Variants in AGPS observed in about 807,000 individuals in gnomAD.
The protein encoded by AGPS is alkyldihydroxyacetonephosphate synthase, peroxisomal.
In AGPS, 26 loss-of-function variants were observed where a neutral mutation model predicts 90.7. That is an observed-to-expected ratio of 0.29 (90% CI 0.21 to 0.40). AGPS has a LOEUF of 0.40. Among genes scored for constraint, AGPS ranks in the 10% least tolerant of loss-of-function variants. The pLI, the probability that AGPS is intolerant of heterozygous loss-of-function variation, is 1.00. For missense variants in AGPS, 540 were observed against 816.1 expected (o/e 0.66, Z 4.12); for synonymous variants, 294 against 285.3 (o/e 1.03, Z -0.31).
chr2:177,540,120 A>G lies in AGPS; in HGVS notation c.*1925A>G, dbSNP rs1048458159. 6.7e-6 allele frequency: 1 copy of G among 150,308 alleles called. No homozygotes were observed. The highest frequency in any genetic ancestry group is 1.5e-5 in the Non-Finnish European group (1 of 67,552). The allele number at this position is 150,308 out of a possible 1,614,324, so 9.3% of individuals were successfully genotyped here. A position where few individuals can be genotyped will look rare whatever the true frequency, so the allele number is the denominator to read the frequency against. ...GTATATGTTTCTGAGTAATTTTTAAAAAATAAAACAGGTTAATAAGAAGAT... is the reference window on the plus strand; with the variant it reads ...GTATATGTTTCTGAGTAATTTTTAAGAAATAAAACAGGTTAATAAGAAGAT... On this transcript the variant is annotated 3_prime_UTR_variant, in exon 20 of 20. Coordinates refer to ENST00000264167, the MANE Select transcript of AGPS (RefSeq NM_003659.4).
chr2:177,538,223 T>G lies in AGPS; in HGVS notation c.*28T>G. On this transcript the variant is annotated 3_prime_UTR_variant, in exon 20 of 20. Coordinates refer to ENST00000264167, the MANE Select transcript of AGPS (RefSeq NM_003659.4). ...CCATTAGTACCATTACAAAAAAATG[T>G]CAATTTTTTTTTTAAGTTTTCAACT... 1 of 1,606,820 alleles carries G rather than the reference T, an allele frequency of 6.2e-7. No homozygotes were observed. Among genetic ancestry groups the G allele is most frequent in the Non-Finnish European group, 8.5e-7 (1 of 1,174,126 alleles).
intron 2 of AGPS, among the ~76,000 whole-genome samples, chr2:177,429,292 A>G (rs1315325783): frequency 2.6e-5 from 4 of 152,168 alleles, no homozygotes; most frequent in Non-Finnish European, 5.9e-5. Context: ...ATTACCCACC[A>G]TCTGAAGCCT....
chr2:177,510,948 A>G (rs968111361), intron 16 of AGPS, among the ~76,000 whole-genome samples: 1 of 152,092 alleles, frequency 6.6e-6, no homozygotes, highest in Non-Finnish European at 1.5e-5. Flanking sequence ...GTCCCATCCT[A>G]TTGTGTTCCA....
At chr2:177,434,497 A>G in intron 3 of AGPS, 80 bp downstream of exon 3, 2 of 1,065,476 alleles carry the variant, frequency 1.9e-6, no homozygotes, top group Non-Finnish European at 2.8e-6. Context: ...TTTGTAATTC[A>G]TTATATTGGA....
intron 8 of AGPS, among the ~76,000 whole-genome samples, chr2:177,445,843 C>T (rs1235343109): frequency 6.6e-6 from 1 of 152,106 alleles, no homozygotes; most frequent in Non-Finnish European, 1.5e-5. Context: ...GCATTGTCTG[C>T]TACCTTCAGG....
At chr2:177,477,721 G>A (rs1258903664) in intron 10 of AGPS, among the ~76,000 whole-genome samples, 1 of 151,928 alleles carries the variant, frequency 6.6e-6, no homozygotes, top group Non-Finnish European at 1.5e-5. Context: ...CTCTTCATTT[G>A]TTCCTGTGGG....
At chr2:177,404,358 G>A (rs2105589959) in intron 1 of AGPS, among the ~76,000 whole-genome samples, 1 of 152,228 alleles carries the variant, frequency 6.6e-6, no homozygotes, top group African/African-American at 2.4e-5. Flanking sequence ...AGTAAATAAT[G>A]TACATTCCGT....
In AGPS at chr2:177,540,545, T is replaced by C. The variant is rs909499637; in HGVS notation, c.*2350T>C. 3 of 152,002 alleles carry C rather than the reference T, an allele frequency of 2.0e-5. No homozygotes were observed. The highest frequency in any genetic ancestry group is 1.3e-4 in the Admixed American group (2 of 15,218). 9.4% of individuals were successfully genotyped at this position (152,002 alleles called of 1,614,324 possible). Reference sequence around the variant, plus strand: ...ACTTGGTATCTGTGAAGGACTGAGTTCATGAATATGCACAGAAGCACTTAA... The same window carrying C: ...ACTTGGTATCTGTGAAGGACTGAGTCCATGAATATGCACAGAAGCACTTAA... On this transcript the variant is annotated 3_prime_UTR_variant, in exon 20 of 20. Transcript: ENST00000264167.
At chr2:177,498,815 G>A (rs897755634) in intron 13 of AGPS, among the ~76,000 whole-genome samples, 3 of 151,656 alleles carry the variant, frequency 2.0e-5, no homozygotes, top group Non-Finnish European at 4.4e-5. Context: ...CTAAGAAATA[G>A]ATTCCATTTT....
intron 11 of AGPS, among the ~76,000 whole-genome samples, chr2:177,491,429 CTTT>C: frequency 8.5e-6 from 1 of 118,248 alleles, no homozygotes; most frequent in African/African-American, 3.2e-5. Flanking sequence ...TGACTAATTT[CTTT>C]TTTTTTTTTT....
chr2:177,394,500 CAG>C (rs1263273239), intron 1 of AGPS, among the ~76,000 whole-genome samples: 1 of 149,386 alleles, frequency 6.7e-6, no homozygotes, highest in Non-Finnish European at 1.5e-5. Flanking sequence ...GTGAGAATGA[CAG>C]GGGACGAAGA....
chr2:177,507,916 T>G (rs1688760153), intron 15 of AGPS, 54 bp from the exon 16 acceptor site: 1 of 1,202,652 alleles, frequency 8.3e-7, no homozygotes, highest in South Asian at 1.2e-5. Context: ...ACAGTGTTAT[T>G]GATTCTTCTG....
At chr2:177,496,859 A>C (rs1358046623) in intron 12 of AGPS, among the ~76,000 whole-genome samples, 1 of 151,998 alleles carries the variant, frequency 6.6e-6, no homozygotes, top group Non-Finnish European at 1.5e-5. Flanking sequence ...AAATCCCCAA[A>C]CCTTAAAGGC....
At chr2:177,519,299 C>A (rs373660814) in intron 17 of AGPS, among the ~76,000 whole-genome samples, 3 of 152,058 alleles carry the variant, frequency 2.0e-5, no homozygotes, top group African/African-American at 7.2e-5. Context: ...AGAACAATAT[C>A]TTATGTTTCT....
chr2:177,530,867 A>G (rs1295395687), intron 19 of AGPS, among the ~76,000 whole-genome samples: 2 of 152,222 alleles, frequency 1.3e-5, no homozygotes, highest in Admixed American at 1.3e-4. Context: ...GTCAGTTTCA[A>G]TAGCAAAGTT....
chr2:177,491,806 G>A (rs1281973079), intron 11 of AGPS, among the ~76,000 whole-genome samples: 1 of 106,504 alleles, frequency 9.4e-6, no homozygotes. Flanking sequence ...TTGTTTTTGA[G>A]ACAAGGTCTT....
At chr2:177,440,704 G>A (rs1686576985) in intron 5 of AGPS, among the ~76,000 whole-genome samples, 1 of 152,100 alleles carries the variant, frequency 6.6e-6, no homozygotes, top group South Asian at 2.1e-4. Context: ...TTGGACTGTA[G>A]CTACATAAGA....
chr2:177,400,013 G>T (rs1421023984), intron 1 of AGPS, among the ~76,000 whole-genome samples: 2 of 152,238 alleles, frequency 1.3e-5, no homozygotes, highest in East Asian at 3.9e-4. Context: ...GAACATTTAG[G>T]TGGTGGTTAC....
In AGPS at chr2:177,521,331, G is replaced by GAATTA; in HGVS notation, c.1761_1765dup (p.Ser589LysfsTer6). The GAATTA allele has an allele frequency of 6.2e-7, 1 of 1,614,030 alleles. No individual in the cohort carries two copies. The highest frequency in any genetic ancestry group is 8.5e-7 in the Non-Finnish European group (1 of 1,179,946). ...TTCTATTTTGCCTTTAACTACAGGG[G>GAATTA]AATTAGTGACCCACTGACCGTATTT... is the stretch of plus-strand genomic sequence containing the variant. On this transcript the variant is annotated frameshift_variant, in exon 18 of 20. Transcript: ENST00000264167. LOFTEE classifies it high-confidence loss of function.
Sources: allele counts gnomAD v4.1 joint callset (sites outside exome capture counted in the v4.1 genomes callset), GRCh38; gene constraint gnomAD v4.1.1; transcripts MANE v1.5; gene names NCBI Gene and HGNC (gene_info 2026-07-23, HGNC 2026-07-21).